SH3PXD2B: variants seen among roughly 807,000 people sequenced by gnomAD.
SH3PXD2B encodes the protein SH3 and PX domains 2B, also known as SH3 and PX domain-containing protein 2B.
A neutral mutation model predicts 73.1 loss-of-function variants in SH3PXD2B; 37 were observed. The observed-to-expected ratio is 0.51, with a 90% CI of 0.39 to 0.67. The LOEUF (loss-of-function observed/expected upper bound fraction) is 0.67. Among genes scored for constraint, SH3PXD2B ranks in the 30% least tolerant of loss-of-function variants. SH3PXD2B has a pLI of 0.00. For missense variants in SH3PXD2B, 1,053 were observed against 1,197.8 expected, an observed-to-expected ratio of 0.88 and a Z score of 1.78; for synonymous variants, 457 against 480.5, an observed-to-expected ratio of 0.95 and a Z score of 0.64.
intron 1 of SH3PXD2B, among the ~76,000 whole-genome samples, chr5:172,428,339 C>A (rs1003609340): frequency 2.6e-5 from 4 of 152,238 alleles, no homozygotes; most frequent in Admixed American, 6.5e-5. Flanking sequence ...AATATGGTCA[C>A]TGCCACTAAC....
chr5:172,452,605 G>T (rs924348427), intron 1 of SH3PXD2B, among the ~76,000 whole-genome samples: 3 of 152,130 alleles, frequency 2.0e-5, no homozygotes, highest in Non-Finnish European at 4.4e-5. Flanking sequence ...CCTGATATGG[G>T]CGTGATAGGA....
chr5:172,335,554 C>G lies in SH3PXD2B; in HGVS notation c.*2815G>C. Reference sequence around the variant, plus strand: ...GGGCTGGTCCTATCCGCCTCACAGGCTTGCCGTAAGGATTAAAGGAGCGTG... The same window carrying G: ...GGGCTGGTCCTATCCGCCTCACAGGGTTGCCGTAAGGATTAAAGGAGCGTG... On this transcript the variant is annotated 3_prime_UTR_variant, in exon 13 of 13. Coordinates refer to ENST00000311601, the MANE Select transcript of SH3PXD2B (RefSeq NM_001017995.3). The G allele has an allele frequency of 1.6e-6, 2 of 1,231,752 alleles. No individual in the cohort carries two copies. The highest frequency in any genetic ancestry group is 1.5e-5 in the African/African-American group (1 of 64,544). 76.3% of individuals were successfully genotyped at this position (1,231,752 alleles called of 1,614,324 possible).
rs1056808143 is a variant in SH3PXD2B at position 172,445,384 on chromosome 5, A to G, written c.75+8894T>C. Among the ~76,000 whole-genome samples, 2 of 152,096 alleles carry G rather than the reference A, an allele frequency of 1.3e-5. No individual in the cohort carries two copies. Among genetic ancestry groups the G allele is most frequent in the African/African-American group, 4.8e-5 (2 of 41,420 alleles). ...TCATCACACCCAGCTAATTTTGTGG[A>G]TTTTTAGTAGAGATGAGGTCTCACT... On this transcript the variant is annotated intron_variant, in intron 1 of 12. Coordinates refer to ENST00000311601, the MANE Select transcript of SH3PXD2B (RefSeq NM_001017995.3). This position sits in a 1 kb window ranked among gnomAD's most constrained non-coding sequence, Gnocchi z 5.2.
intron 2 of SH3PXD2B, among the ~76,000 whole-genome samples, chr5:172,414,337 C>T (rs1419399720): frequency 1.3e-4 from 20 of 151,806 alleles, no homozygotes; most frequent in African/African-American, 4.1e-4. Context: ...GGCATGGTAG[C>T]GCGTGCCTGT....
intron 1 of SH3PXD2B, among the ~76,000 whole-genome samples, chr5:172,440,880 A>C (rs1462278682): frequency 6.6e-6 from 1 of 152,058 alleles, no homozygotes; most frequent in African/African-American, 2.4e-5. Flanking sequence ...CAGTTTTCCC[A>C]TCTGTAAAAG....
chr5:172,434,234 C>A (rs1759316691), intron 1 of SH3PXD2B, among the ~76,000 whole-genome samples: 1 of 152,072 alleles, frequency 6.6e-6, no homozygotes, highest in African/African-American at 2.4e-5. Flanking sequence ...ATAAATGTCC[C>A]ATGAAAATGG....
At chr5:172,329,363 C>T (rs1413481900), downstream of SH3PXD2B, among the ~76,000 whole-genome samples, 1 of 151,364 alleles carries the variant, frequency 6.6e-6, no homozygotes, top group Non-Finnish European at 1.5e-5. Context: ...GGATTACAGG[C>T]ATGAGCCACT....
chr5:172,416,692 CTCTCTTTTTTTTTTTTTTTTT>C (rs1758832562), intron 2 of SH3PXD2B, among the ~76,000 whole-genome samples: 1 of 91,220 alleles, frequency 1.1e-5, no homozygotes, highest in African/African-American at 5.5e-5. Context: ...CTCTCTCTCT[CTCTCTTTTTTTTTTTTTTTTT>C]TTTTTTTTTT....
intron 8 of SH3PXD2B, 24 bp from the exon 9 acceptor site, chr5:172,354,029 G>T: frequency 6.3e-7 from 1 of 1,598,856 alleles, no homozygotes; most frequent in Non-Finnish European, 8.6e-7. Context: ...AGGAAGCTGG[G>T]GTCAGAAGAG....
rs1235686806 is a variant in SH3PXD2B at position 172,334,696 on chromosome 5, G to C, written c.*3673C>G. 1 of 985,436 alleles carries C rather than the reference G, an allele frequency of 1.0e-6. No individual in the cohort carries two copies. The highest frequency in any genetic ancestry group is 1.1e-4 in the East Asian group (1 of 8,834). The allele number at this position is 985,436 out of a possible 1,614,324, so 61.0% of individuals were successfully genotyped here. On this transcript the variant is annotated 3_prime_UTR_variant, in exon 13 of 13. Transcript: ENST00000311601. ...GATGTCAAGTTGCCAGCTACTGGAA[G>C]GCAGGAGCAGTTTCTTCTTTTTCCC...
intron 6 of SH3PXD2B, among the ~76,000 whole-genome samples, chr5:172,370,650 G>A (rs1757681925): frequency 6.6e-6 from 1 of 152,174 alleles, no homozygotes; most frequent in Non-Finnish European, 1.5e-5. Flanking sequence ...AGCTTAGACT[G>A]TAGTTCTCTG....
intron 1 of SH3PXD2B, among the ~76,000 whole-genome samples, chr5:172,429,500 T>A (rs1361439851): frequency 6.6e-6 from 1 of 152,176 alleles, no homozygotes; most frequent in Non-Finnish European, 1.5e-5. Context: ...GCAGGGCCTG[T>A]GTGATCTAAC....
chr5:172,365,826 G>A (rs922640368), intron 6 of SH3PXD2B, among the ~76,000 whole-genome samples: 2 of 151,370 alleles, frequency 1.3e-5, no homozygotes, highest in African/African-American at 4.8e-5. Context: ...GCTGGCTTTT[G>A]AAGATTCTTG....
chr5:172,366,952 TTG>T (rs1312935843), intron 6 of SH3PXD2B, among the ~76,000 whole-genome samples: 1,333 of 128,066 alleles, frequency 0.01, 57 homozygotes, highest in African/African-American at 0.049. Context: ...TTTTTTTTTT[TTG>T]GGGACAGAGT....
intron 1 of SH3PXD2B, among the ~76,000 whole-genome samples, chr5:172,423,554 G>GGGGGGT (rs1554141224): frequency 6.9e-6 from 1 of 144,718 alleles, no homozygotes; most frequent in African/African-American, 2.6e-5. Flanking sequence ...TTGGGGGGGG[G>GGGGGGT]GGCGCACATT....
chr5:172,351,944 G>A (rs1757165848), intron 9 of SH3PXD2B, among the ~76,000 whole-genome samples: 1 of 152,060 alleles, frequency 6.6e-6, no homozygotes, highest in Admixed American at 6.6e-5. Context: ...TCATTGTTTG[G>A]GGACACAGAG....
rs528339464 is a variant in SH3PXD2B at position 172,356,504 on chromosome 5, C to T, written c.667+2269G>A. On this transcript the variant is annotated intron_variant, in intron 8 of 12. Coordinates refer to ENST00000311601, the MANE Select transcript of SH3PXD2B (RefSeq NM_001017995.3). Reference sequence around the variant, plus strand: ...CCTGAGAAACTTTAAATCCCCAAGGCCAAGAAATACCCAAGGCTCACTCCT... The same window carrying T: ...CCTGAGAAACTTTAAATCCCCAAGGTCAAGAAATACCCAAGGCTCACTCCT... 2.0e-5 allele frequency among the ~76,000 whole-genome samples: 3 copies of T among 152,304 alleles called. No individual in the cohort carries two copies. In the South Asian group the frequency reaches 6.2e-4, roughly 32 times the overall value.
At chr5:172,420,994 C>T (rs1018774666) in intron 2 of SH3PXD2B, among the ~76,000 whole-genome samples, 9 of 152,094 alleles carry the variant, frequency 5.9e-5, no homozygotes, top group Non-Finnish European at 7.4e-5. Flanking sequence ...GTTACATCCG[C>T]GAAAAAACCT....
Position 172,350,349 on chromosome 5 carries a change from CG to C in SH3PXD2B, c.1012+13del, listed in dbSNP as rs1423351211. On this transcript the variant is annotated intron_variant, in intron 10 of 12. Transcript: ENST00000311601. ...GGGCCCTGATTATCAGGAGCTTGGG[CG>C]GGTGTCACTCACTCTGCTTGGCGTC... 7 of 1,611,828 alleles carry C rather than the reference CG, an allele frequency of 4.3e-6. No homozygotes were observed. Among genetic ancestry groups the C allele is most frequent in the Middle Eastern group, 1.8e-4 (1 of 5,526 alleles).
Sources: allele counts gnomAD v4.1 joint callset (sites outside exome capture counted in the v4.1 genomes callset), GRCh38; gene constraint gnomAD v4.1.1; non-coding constraint Gnocchi (gnomAD v3.1); transcripts MANE v1.5; gene names NCBI Gene and HGNC (gene_info 2026-07-23, HGNC 2026-07-21).